The following BNC2 variants were observed in gnomAD, a reference collection of about 807,000 sequenced individuals.
BNC2 encodes the protein basonuclin zinc finger protein 2, also known as zinc finger protein basonuclin-2.
BNC2 carries 20 observed loss-of-function variants against 76.3 expected under a neutral mutation model. The observed-to-expected ratio is 0.26, with a 90% CI of 0.18 to 0.38. The LOEUF (loss-of-function observed/expected upper bound fraction) is 0.38. Ranked by LOEUF, BNC2 falls within the 10% of genes least tolerant of loss-of-function variation. BNC2 has a pLI of 1.00. For missense variants in BNC2, 1,382 were observed against 1,399.8 expected (o/e 0.99, Z 0.20); for synonymous variants, 582 against 514.8 (o/e 1.13, Z -1.77).
intron 5 of BNC2, among the ~76,000 whole-genome samples, chr9:16,503,913 T>A (rs1010479774): frequency 1.3e-5 from 2 of 152,196 alleles, no homozygotes; most frequent in African/African-American, 4.8e-5. Flanking sequence ...AGTTATTAAG[T>A]TCAAGAGGTT....
intron 1 of BNC2, among the ~76,000 whole-genome samples, chr9:16,855,875 T>C (rs534282592): frequency 6.6e-6 from 1 of 152,194 alleles, no homozygotes; most frequent in Non-Finnish European, 1.5e-5. Flanking sequence ...ACCAAATCAG[T>C]ACACAATTGT....
intron 1 of BNC2, among the ~76,000 whole-genome samples, chr9:16,850,925 C>T (rs758680483): frequency 1.3e-5 from 2 of 152,072 alleles, no homozygotes; most frequent in Non-Finnish European, 2.9e-5. Context: ...GATTTGCTAG[C>T]ACCAAAGACG....
At chr9:16,815,902 ACAGCT>A (rs1191718309) in intron 1 of BNC2, among the ~76,000 whole-genome samples, 1 of 152,182 alleles carries the variant, frequency 6.6e-6, no homozygotes, top group African/African-American at 2.4e-5. Context: ...GATTTCTAGC[ACAGCT>A]GAATAATGCT....
chr9:16,656,918 G>A (rs1288413784), intron 3 of BNC2, among the ~76,000 whole-genome samples: 1 of 152,130 alleles, frequency 6.6e-6, no homozygotes, highest in African/African-American at 2.4e-5. Context: ...TTTAAAATTG[G>A]GGAAGGAGGT....
chr9:16,463,861 C>CA (rs1350819507), intron 5 of BNC2, among the ~76,000 whole-genome samples: 4 of 151,780 alleles, frequency 2.6e-5, no homozygotes, highest in African/African-American at 9.7e-5. Context: ...TTCGGGAGGC[C>CA]AAGGCAGGCA....
At chr9:16,691,647 C>G (rs1428594179) in intron 3 of BNC2, among the ~76,000 whole-genome samples, 1 of 149,436 alleles carries the variant, frequency 6.7e-6, no homozygotes, top group East Asian at 2.0e-4. Context: ...GTAGCTGGGA[C>G]TACAAGCACC....
intron 5 of BNC2, among the ~76,000 whole-genome samples, chr9:16,452,444 A>G (rs1444520638): frequency 6.6e-6 from 1 of 152,176 alleles, no homozygotes; most frequent in Non-Finnish European, 1.5e-5. Context: ...ATTATTTTTT[A>G]GACAGTCTTT....
At chr9:16,704,232 A>G (rs1823595107) in intron 3 of BNC2, among the ~76,000 whole-genome samples, 1 of 152,216 alleles carries the variant, frequency 6.6e-6, no homozygotes, top group African/African-American at 2.4e-5. Context: ...CACGATTACA[A>G]CTGAAGTCAA....
At chr9:16,703,331 TTAAG>T (rs1823570234) in intron 3 of BNC2, among the ~76,000 whole-genome samples, 1 of 152,104 alleles carries the variant, frequency 6.6e-6, no homozygotes, top group East Asian at 1.9e-4. Context: ...AAATTGGCTG[TTAAG>T]TAAAAGAAAT....
chr9:16,741,177 G>C (rs1452689866), intron 1 of BNC2, among the ~76,000 whole-genome samples: 1 of 152,110 alleles, frequency 6.6e-6, no homozygotes, highest in Non-Finnish European at 1.5e-5. Context: ...AACTGGAAAG[G>C]GTAAAATGAA....
At chr9:16,655,943 G>C (rs953965794) in intron 3 of BNC2, among the ~76,000 whole-genome samples, 2 of 152,186 alleles carry the variant, frequency 1.3e-5, no homozygotes, top group Admixed American at 6.5e-5. Context: ...ATGGACACGT[G>C]TGGACATATT....
intron 3 of BNC2, among the ~76,000 whole-genome samples, chr9:16,654,844 C>A (rs1442275778): frequency 1.3e-5 from 2 of 152,104 alleles, no homozygotes; most frequent in Non-Finnish European, 2.9e-5. Context: ...ACATCAGACA[C>A]CTCTTAATGC....
chr9:16,781,849 G>A (rs1826163000), intron 1 of BNC2, among the ~76,000 whole-genome samples: 1 of 151,946 alleles, frequency 6.6e-6, no homozygotes, highest in Admixed American at 6.6e-5. Flanking sequence ...TATGTTAACT[G>A]TAAAATATCA....
intron 3 of BNC2, among the ~76,000 whole-genome samples, chr9:16,650,640 A>G (rs938390279): frequency 2.0e-5 from 3 of 152,168 alleles, no homozygotes; most frequent in African/African-American, 7.2e-5. Context: ...ACTTCTATAA[A>G]TATGTAATAC....
At chr9:16,449,480 T>C (rs1035937866) in intron 5 of BNC2, among the ~76,000 whole-genome samples, 1 of 152,164 alleles carries the variant, frequency 6.6e-6, no homozygotes, top group African/African-American at 2.4e-5. Flanking sequence ...CCCTAATTAC[T>C]GCATAAGTCA....
chr9:16,582,933 A>ACACACG, intron 4 of BNC2, 50 bp downstream of exon 4: 2 of 1,358,090 alleles, frequency 1.5e-6, no homozygotes, highest in Non-Finnish European at 2.1e-6. Context: ...ACACACACAC[A>ACACACG]CGAACATGAA....
intron 3 of BNC2, chr9:16,625,626 C>G (rs1020808682): frequency 6.6e-6 from 1 of 152,130 alleles, no homozygotes; most frequent in Non-Finnish European, 1.5e-5. Flanking sequence ...AAACTTCATA[C>G]AGAAAAGAGG....
At chr9:16,740,273 G>C (rs1042089339) in intron 1 of BNC2, among the ~76,000 whole-genome samples, 3 of 152,156 alleles carry the variant, frequency 2.0e-5, no homozygotes, top group Non-Finnish European at 4.4e-5. Context: ...AAAGGCATGG[G>C]AATAATAAAT....
chr9:16,722,135 G>C (rs942893453), intron 3 of BNC2, among the ~76,000 whole-genome samples: 1 of 152,208 alleles, frequency 6.6e-6, no homozygotes, highest in African/African-American at 2.4e-5. Context: ...GATGACGCCA[G>C]CTCACTATCT....
Sources: gnomAD v4.1 joint callset for allele counts (sites outside exome capture counted in the v4.1 genomes callset) on GRCh38, gnomAD v4.1.1 for gene constraint, MANE v1.5 for transcripts, NCBI Gene and HGNC (gene_info 2026-07-23, HGNC 2026-07-21) for gene names.